STRA8: variants seen among roughly 807,000 people sequenced by gnomAD.
STRA8 encodes stimulated by retinoic acid gene 8 protein homolog.
A neutral mutation model predicts 37.1 loss-of-function variants in STRA8; 18 were observed. The observed-to-expected ratio is 0.48, with a 90% confidence interval of 0.34 to 0.72. STRA8 has a LOEUF of 0.72. STRA8 is among the 30% of genes least tolerant of loss of function. STRA8 has a pLI of 0.01. For synonymous variants in STRA8, 168 were observed against 162.9 expected, an observed-to-expected ratio of 1.03 and a Z score of -0.24; for missense variants, 357 against 410.4, an observed-to-expected ratio of 0.87 and a Z score of 1.13.
At chr7:135,249,471 C>G (rs1204337960) in intron 6 of STRA8, among the ~76,000 whole-genome samples, 1 of 152,148 alleles carries the variant, frequency 6.6e-6, no homozygotes, top group Non-Finnish European at 1.5e-5. Context: ...GTAACCCCAG[C>G]TACTCTGGAG....
intron 4 of STRA8, among the ~76,000 whole-genome samples, 183 bp downstream of exon 4, chr7:135,243,593 A>G (rs566484684): frequency 6.6e-6 from 1 of 152,148 alleles, no homozygotes; most frequent in Non-Finnish European, 1.5e-5. Context: ...ACATGCATCA[A>G]TTTTTTCCCA....
At chr7:135,255,946 G>A (rs1163780119) in intron 8 of STRA8, among the ~76,000 whole-genome samples, 1 of 152,130 alleles carries the variant, frequency 6.6e-6, no homozygotes, top group South Asian at 2.1e-4. Flanking sequence ...CATCACCTTC[G>A]GTAATATTTG....
At chr7:135,240,412 T>G (rs1832443392) in intron 1 of STRA8, 107 bp from the exon 2 acceptor site, 1 of 1,092,124 alleles carries the variant, frequency 9.2e-7, no homozygotes, top group East Asian at 2.6e-5. Flanking sequence ...GGGCCTTTAC[T>G]TGGGAAGGGT....
At chr7:135,234,097 G>T (rs11975214) in intron 1 of STRA8, among the ~76,000 whole-genome samples, 194 bp downstream of exon 1, 119,270 of 146,384 alleles carry the variant, frequency 0.81, 49,953 homozygotes, top group East Asian at 0.96. Flanking sequence ...TGATGATGAT[G>T]ATGATGATTA....
Position 135,236,113 on chromosome 7 carries a change from G to GA in STRA8, c.-7+2221dup, listed in dbSNP as rs769551879. On this transcript the variant is annotated intron_variant, in intron 1 of 8. Transcript: ENST00000662584. ...CGAGACCCTATCTCAAAAGAAATAG[G>GA]AAAAAAAAAAACCTTAAGAACTAGA... is the stretch of plus-strand genomic sequence containing the variant. Among the ~76,000 whole-genome samples, 1,119 of 144,264 alleles carry GA rather than the reference G, an allele frequency of 7.8e-3. 8 individuals are homozygous for GA. Among genetic ancestry groups the GA allele is most frequent in the Non-Finnish European group, 0.01 (681 of 65,592 alleles). 94.6% of individuals were successfully genotyped at this position (144,264 alleles called of 152,430 possible). A position where few individuals can be genotyped will look rare whatever the true frequency, so the allele number is the denominator to read the frequency against.
intron 8 of STRA8, among the ~76,000 whole-genome samples, chr7:135,257,031 C>G (rs984205130): frequency 2.0e-5 from 3 of 152,168 alleles, no homozygotes; most frequent in South Asian, 2.1e-4. Context: ...AAGGGGCCCA[C>G]AAGATTTGCC....
intron 6 of STRA8, among the ~76,000 whole-genome samples, chr7:135,249,250 A>G (rs1832606074): frequency 1.3e-5 from 2 of 152,300 alleles, no homozygotes. Context: ...TCAGTAATGG[A>G]ACTTGGATTT....
chr7:135,239,765 G>A (rs1201076227), intron 1 of STRA8, among the ~76,000 whole-genome samples: 1 of 152,146 alleles, frequency 6.6e-6, no homozygotes, highest in Non-Finnish European at 1.5e-5. Flanking sequence ...TAACAAAGAA[G>A]GACACAGTGA....
intron 1 of STRA8, among the ~76,000 whole-genome samples, chr7:135,237,758 G>C (rs1467742940): frequency 6.6e-6 from 1 of 152,116 alleles, no homozygotes; most frequent in Non-Finnish European, 1.5e-5. Context: ...CAGTCGTGGT[G>C]GTGGGCGCCT....
At chr7:135,234,172 T>A (rs1832335916) in intron 1 of STRA8, among the ~76,000 whole-genome samples, 1 of 151,980 alleles carries the variant, frequency 6.6e-6, no homozygotes, top group Admixed American at 6.6e-5. Flanking sequence ...AATGGCGAGA[T>A]CTCAGCTCAC....
At position 135,240,648 on chromosome 7, in the gene STRA8, AC is replaced by A. The variant is rs1313140859; in HGVS notation, c.127del (p.Leu43TrpfsTer19). ...RRLSQARHRA[T>X]LAALFNNLRK... ...GCTGTCCCAGGCCCGCCACCGAGCC[AC>A]CCTGGCAGCGCTCTTCAACAACCTC... On this transcript the variant is annotated frameshift_variant, in exon 2 of 9. Transcript: ENST00000662584. LOFTEE classifies it high-confidence loss of function. The A allele has an allele frequency of 6.2e-7, 1 of 1,614,154 alleles. No individual in the cohort carries two copies. The highest frequency in any genetic ancestry group is 1.1e-5 in the South Asian group (1 of 91,084).
In STRA8 at chr7:135,233,856, G is replaced by A. The variant is rs12665884; in HGVS notation, c.-54G>A. ...GATCCCCACTCCGGCGCACGAAGCC[G>A]GGTGACTGCTGTCCCGGGAGTGGGG... On this transcript the variant is annotated 5_prime_UTR_variant, in exon 1 of 9. Coordinates refer to ENST00000662584, the MANE Select transcript of STRA8 (RefSeq NM_001394401.1). Among the ~76,000 whole-genome samples, 34,364 of 152,090 alleles carry A rather than the reference G, an allele frequency of 0.23. 3,955 individuals carry two copies. The highest frequency in any genetic ancestry group is 0.25 in the Non-Finnish European group (17,236 of 67,982).
upstream of STRA8, among the ~76,000 whole-genome samples, chr7:135,233,002 C>T (rs960763094): frequency 6.6e-6 from 1 of 152,228 alleles, no homozygotes; most frequent in African/African-American, 2.4e-5. Context: ...TGTCCTGCAT[C>T]TGCTACCAAA....
chr7:135,253,860 T>C (rs973524700), intron 7 of STRA8, among the ~76,000 whole-genome samples: 1 of 152,234 alleles, frequency 6.6e-6, no homozygotes, highest in Non-Finnish European at 1.5e-5. Flanking sequence ...CATATCCTTG[T>C]GATCCCAATG....
intron 4 of STRA8, among the ~76,000 whole-genome samples, chr7:135,243,863 A>C (rs1403843748): frequency 6.6e-6 from 1 of 152,256 alleles, no homozygotes; most frequent in Admixed American, 6.5e-5. Context: ...AGGAAAATGC[A>C]AATCTCAGTC....
chr7:135,247,375 C>T (rs924480139), intron 6 of STRA8, among the ~76,000 whole-genome samples: 6 of 152,178 alleles, frequency 3.9e-5, no homozygotes, highest in South Asian at 2.1e-4. Context: ...GGATTCAGGC[C>T]TCTCTTGGCT....
rs895902577 is a variant in STRA8, at chr7:135,246,684, G to A, written c.861G>A (p.Leu287=). Residue 287 remains leucine, a synonymous_variant, in exon 6 of 9, where the codon CTG becomes CTA. Transcript: ENST00000662584. This position sits in a 1 kb window ranked among gnomAD's most constrained non-coding sequence, Gnocchi z 5.4. ...GVDSQGASCS[L]VSTPEEILFE... Reference sequence around the variant, plus strand: ...ACAGCCAGGGGGCCAGCTGCTCGCTGGTCTCCACGCCCGAGGAGGTGAGCA... The same window carrying A: ...ACAGCCAGGGGGCCAGCTGCTCGCTAGTCTCCACGCCCGAGGAGGTGAGCA... 3.3e-5 allele frequency: 50 copies of A among 1,527,604 alleles called. No individual in the cohort carries two copies. The highest frequency in any genetic ancestry group is 4.2e-5 in the Non-Finnish European group (48 of 1,144,138). 94.6% of individuals were successfully genotyped at this position (1,527,604 alleles called of 1,614,324 possible). A position where few individuals can be genotyped will look rare whatever the true frequency, so the allele number is the denominator to read the frequency against.
Position 135,246,050 on chromosome 7 carries a change from G to A in STRA8, c.594-367G>A. On this transcript the variant is annotated intron_variant, in intron 5 of 8. Coordinates refer to ENST00000662584, the MANE Select transcript of STRA8 (RefSeq NM_001394401.1). The surrounding 1 kb of genome is among the most constrained non-coding windows in gnomAD (Gnocchi z 5.4). Reference sequence around the variant, plus strand: ...GCCGAGCCTGACTTTCGGGCTGCAGGTTAAAGTTGGAGTCCTATCATGCCA... The same window carrying A: ...GCCGAGCCTGACTTTCGGGCTGCAGATTAAAGTTGGAGTCCTATCATGCCA... 3.6e-6 allele frequency: 1 copy of A among 280,476 alleles called. No homozygotes were observed. Among genetic ancestry groups the A allele is most frequent in the South Asian group, 4.0e-5 (1 of 25,316 alleles). 17.4% of individuals were successfully genotyped at this position (280,476 alleles called of 1,614,324 possible).
intron 2 of STRA8, among the ~76,000 whole-genome samples, chr7:135,241,886 G>A (rs1198778879): frequency 2.0e-5 from 3 of 152,046 alleles, no homozygotes; most frequent in Non-Finnish European, 2.9e-5. Context: ...TGCAGCCCCT[G>A]ACAGATATAG....
Sources: allele counts gnomAD v4.1 joint callset (sites outside exome capture counted in the v4.1 genomes callset), GRCh38; gene constraint gnomAD v4.1.1; non-coding constraint Gnocchi (gnomAD v3.1); transcripts MANE v1.5; gene names NCBI Gene and HGNC (gene_info 2026-07-23, HGNC 2026-07-21).